Variants in LAMA5 observed in about 807,000 individuals in gnomAD.
LAMA5 encodes the protein laminin subunit alpha 5.
LAMA5 carries 260 observed loss-of-function variants against 433.4 expected under a neutral mutation model. That is an observed-to-expected ratio of 0.60 (90% CI 0.54 to 0.66). The LOEUF is 0.66. Among genes scored for constraint, LAMA5 ranks in the 30% least tolerant of loss-of-function variants. LAMA5 has a pLI of 0.00. For synonymous variants in LAMA5, 2,620 were observed against 2,226.6 expected (o/e 1.18, Z -4.97); for missense variants, 5,378 against 5,258.5 (o/e 1.02, Z -0.70).
intron 6 of LAMA5, among the ~76,000 whole-genome samples, chr20:62,347,740 C>G (rs1983605068): frequency 6.6e-6 from 1 of 152,212 alleles, no homozygotes. Context: ...GTCCCTGCCC[C>G]AGATCAGGCT....
chr20:62,321,755 T>TGGGGCCAGTGGAGGGGG (rs1568919026), intron 48 of LAMA5, among the ~76,000 whole-genome samples: 35 of 4,588 alleles, frequency 7.6e-3, no homozygotes, highest in Non-Finnish European at 0.011. Flanking sequence ...AGTGGAGGGG[T>TGGGGCCAGTGGAGGGGG]GGGGTCAGTG....
rs908029273 is a variant in LAMA5, at chr20:62,338,126, G to A, written c.1781C>T (p.Thr594Ile). 8.8e-6 allele frequency: 14 copies of A among 1,591,408 alleles called. No individual in the cohort carries two copies. The highest frequency in any genetic ancestry group is 4.0e-5 in the African/African-American group (3 of 74,520). ...CQLCGCSPAG[T>I]LPEGCDEAGR... Reference sequence around the variant, plus strand: ...GGCCTCATCGCAGCCCTCGGGCAAGGTTCCTGCAGGGCTGCAGCCACACAC... The same window carrying A: ...GGCCTCATCGCAGCCCTCGGGCAAGATTCCTGCAGGGCTGCAGCCACACAC... Residue 594 changes from threonine to isoleucine, a missense_variant, in exon 14 of 80, where the codon ACC (threonine) becomes ATC (isoleucine). By Grantham distance (89) the Thr-to-Ile change is moderately conservative. Coordinates refer to ENST00000252999, the MANE Select transcript of LAMA5 (RefSeq NM_005560.6).
At chr20:62,311,816 T>TTGGGCCCCCCCC in intron 70 of LAMA5, 32 bp from the exon 71 acceptor site, 1 of 1,521,006 alleles carries the variant, frequency 6.6e-7, no homozygotes. Context: ...GCTCGGTTTT[T>TTGGGCCCCCCCC]CCCCACCCTG....
rs757122609 is a variant in LAMA5 at position 62,335,012 on chromosome 20, G to A, written c.2482+9C>T. Reference sequence around the variant, plus strand: ...GGCTGTGGTCTGGGACGAGCGAGTGGGCACTCACTGCGGCAGCCAAAATAG... The same window carrying A: ...GGCTGTGGTCTGGGACGAGCGAGTGAGCACTCACTGCGGCAGCCAAAATAG... On this transcript the variant is annotated intron_variant, in intron 20 of 79. Coordinates refer to ENST00000252999, the MANE Select transcript of LAMA5 (RefSeq NM_005560.6). The A allele has an allele frequency of 6.8e-6, 11 of 1,609,076 alleles. No homozygotes were observed. Among genetic ancestry groups the A allele is most frequent in the African/African-American group, 2.7e-5 (2 of 74,814 alleles).
chr20:62,336,870 C>T (rs561391765), intron 16 of LAMA5, 84 bp from the exon 17 acceptor site: 41 of 1,392,224 alleles, frequency 2.9e-5, no homozygotes, highest in Admixed American at 2.1e-4. Flanking sequence ...CCAGAACCCA[C>T]GGTCCCACAG....
chr20:62,330,430 C>T lies in LAMA5; in HGVS notation c.3979+58G>A, dbSNP rs964359805. 4.5e-5 allele frequency: 66 copies of T among 1,469,820 alleles called. No individual in the cohort carries two copies. In the South Asian group the frequency reaches 4.9e-4, roughly 11 times the overall value. The allele number at this position is 1,469,820 out of a possible 1,614,324, so 91.0% of individuals were successfully genotyped here. On this transcript the variant is annotated intron_variant, in intron 31 of 79. Coordinates refer to ENST00000252999, the MANE Select transcript of LAMA5 (RefSeq NM_005560.6). Reference sequence around the variant, plus strand: ...GGTAGCACAGGCCACGCTGTGGCGCCGGCATTCCAGCCTCATCGTGTGTGG... The same window carrying T: ...GGTAGCACAGGCCACGCTGTGGCGCTGGCATTCCAGCCTCATCGTGTGTGG...
chr20:62,319,116 C>G, intron 51 of LAMA5, 103 bp from the exon 52 acceptor site: 1 of 1,290,546 alleles, frequency 7.7e-7, no homozygotes, highest in Non-Finnish European at 1.0e-6. Flanking sequence ...CCTTGGCAGG[C>G]CAGGGGCCCG....
chr20:62,318,828 GACA>G lies in LAMA5; in HGVS notation c.7042+12_7042+14del, dbSNP rs1375284371. ...GCCTCTCCCCACCCCGCCTGCCAGG[GACA>G]ACACCACTCACATCTCTGTGCTGCA... On this transcript the variant is annotated intron_variant, in intron 52 of 79. Coordinates refer to ENST00000252999, the MANE Select transcript of LAMA5 (RefSeq NM_005560.6). The G allele has an allele frequency of 1.4e-5, 23 of 1,609,286 alleles. No homozygotes were observed. The highest frequency in any genetic ancestry group is 2.0e-5 in the Non-Finnish European group (23 of 1,179,122).
In LAMA5 at chr20:62,331,048, C is replaced by A; in HGVS notation, c.3634G>T (p.Ala1212Ser). The A allele has an allele frequency of 6.2e-7, 1 of 1,600,822 alleles. No homozygotes were observed. Among genetic ancestry groups the A allele is most frequent in the Non-Finnish European group, 8.5e-7 (1 of 1,174,122 alleles). Residue 1212 changes from alanine to serine, a missense_variant, in exon 29 of 80, where the codon GCC becomes TCC. Physicochemically the swap from Ala to Ser is moderately conservative, Grantham distance 99. Coordinates refer to ENST00000252999, the MANE Select transcript of LAMA5 (RefSeq NM_005560.6). ...TGCCATTACCTGTTGGGGCCAAAGG[C>A]GCCGTGGCTGCTGATGCAGCTGACC... is the stretch of plus-strand genomic sequence containing the variant. The part of the protein sequence containing the change: ...PRVSCISSHG[A>S]FGPNSAACLP...
At position 62,328,840 on chromosome 20, in the gene LAMA5, T is replaced by G; in HGVS notation, c.4447+4A>C. The G allele has an allele frequency of 6.2e-7, 1 of 1,610,684 alleles. No individual in the cohort carries two copies. Among genetic ancestry groups the G allele is most frequent in the Non-Finnish European group, 8.5e-7 (1 of 1,179,244 alleles). On this transcript the variant is annotated splice_donor_region_variant and intron_variant, in intron 34 of 79. Transcript: ENST00000252999. ...ACTGGGCGCCCAAGGACTGGGGTACTCACGCCTGCAGTTGGGGAAGCCCCA... is the reference window on the plus strand; with the variant it reads ...ACTGGGCGCCCAAGGACTGGGGTACGCACGCCTGCAGTTGGGGAAGCCCCA...
intron 2 of LAMA5, among the ~76,000 whole-genome samples, chr20:62,353,920 A>C (rs1984758487): frequency 6.6e-6 from 1 of 152,022 alleles, no homozygotes; most frequent in Admixed American, 6.5e-5. Flanking sequence ...GGCCCTCTTG[A>C]AGCTGAGTCT....
intron 6 of LAMA5, among the ~76,000 whole-genome samples, chr20:62,349,668 G>A (rs1983908484): frequency 3.6e-5 from 1 of 27,808 alleles, no homozygotes; most frequent in African/African-American, 1.4e-4. Flanking sequence ...GATGGGGATG[G>A]TGGGGGTGAT....
At chr20:62,357,950 C>T (rs1179880203) in intron 2 of LAMA5, among the ~76,000 whole-genome samples, 1 of 152,252 alleles carries the variant, frequency 6.6e-6, no homozygotes, top group South Asian at 2.1e-4. Flanking sequence ...GCCGGGGACA[C>T]AGGAAGTGGA....
chr20:62,310,591 C>A lies in LAMA5; in HGVS notation c.10447-19G>T. 6.4e-7 allele frequency: 1 copy of A among 1,566,992 alleles called. No individual in the cohort carries two copies. On this transcript the variant is annotated intron_variant, in intron 75 of 79. Coordinates refer to ENST00000252999, the MANE Select transcript of LAMA5 (RefSeq NM_005560.6). ...CGGTCACCTATAGGAGCAGACCGGG[C>A]AGGGATCAGGGCCCAGGGCAGCTGA...
At chr20:62,357,076 C>T (rs1297992251) in intron 2 of LAMA5, among the ~76,000 whole-genome samples, 1 of 152,140 alleles carries the variant, frequency 6.6e-6, no homozygotes, top group East Asian at 1.9e-4. Flanking sequence ...CTGAGGCACC[C>T]ACCTCACCAT....
At position 62,326,931 on chromosome 20, in the gene LAMA5, C is replaced by G. The variant is rs141871645; in HGVS notation, c.5148G>C (p.Leu1716=). The change falls in exon 39 of 80, where the codon CTG becomes CTC. Residue 1716 remains leucine (L), a synonymous_variant. Coordinates refer to ENST00000252999, the MANE Select transcript of LAMA5 (RefSeq NM_005560.6). The stretch of plus-strand genomic sequence containing the variant: ...CATCTCCCCGCTGGGTCTCTGAGTG[C>G]AGTTCATAACGGAGGGTCCCACCGT... ...SSYGGTLRYE[L]HSETQRGDVF... is the part of the protein sequence containing the mutation. 651 of 1,611,390 alleles carry G rather than the reference C, an allele frequency of 4.0e-4. 6 individuals carry two copies. In the East Asian group the frequency reaches 0.012, roughly 31 times the overall value.
At chr20:62,351,409 G>T (rs975756096) in intron 6 of LAMA5, among the ~76,000 whole-genome samples, 2 of 152,168 alleles carry the variant, frequency 1.3e-5, no homozygotes, top group Non-Finnish European at 2.9e-5. Flanking sequence ...TGGTGGGAAG[G>T]CCAGCTGGCC....
chr20:62,314,739 T>C lies in LAMA5; in HGVS notation c.8197-14A>G. On this transcript the variant is annotated splice_polypyrimidine_tract_variant and intron_variant, in intron 60 of 79. Transcript: ENST00000252999. Reference sequence around the variant, plus strand: ...GGGCACCTTGACCTGCGGGGCACGGTCCATCAGCGTCCACCACCACCCTCC... The same window carrying C: ...GGGCACCTTGACCTGCGGGGCACGGCCCATCAGCGTCCACCACCACCCTCC... 1.2e-6 allele frequency: 2 copies of C among 1,612,398 alleles called. No individual in the cohort carries two copies. The highest frequency in any genetic ancestry group is 2.2e-5 in the East Asian group (1 of 44,854).
rs746296368 is a variant in LAMA5, at chr20:62,309,425, T to G, written c.10999A>C (p.Arg3667=). The change falls in exon 80 of 80, where the codon AGG becomes CGG. Residue 3667 remains arginine (R), a synonymous_variant. Transcript: ENST00000252999. The part of the protein sequence containing the change: ...WPPAYCGCMR[R]LAVNRSPVAM... ...ACGGGGGACCGGTTCACCGCCAGCC[T>G]CCTCATGCAGCCGCAGTAGGCGGGG... is the stretch of plus-strand genomic sequence containing the variant. 3.4e-5 allele frequency: 54 copies of G among 1,584,288 alleles called. No homozygotes were observed. The highest frequency in any genetic ancestry group is 4.5e-5 in the East Asian group (2 of 44,390).
Sources: allele counts gnomAD v4.1 joint callset (sites outside exome capture counted in the v4.1 genomes callset), GRCh38; gene constraint gnomAD v4.1.1; transcripts MANE v1.5; gene names NCBI Gene and HGNC (gene_info 2026-07-23, HGNC 2026-07-21).